Variants in BEND7 observed in about 807,000 individuals in gnomAD.
The protein encoded by BEND7 is BEN domain-containing protein 7.
A neutral mutation model predicts 50.9 loss-of-function variants in BEND7; 28 were observed. That is an observed-to-expected ratio of 0.55 (90% CI 0.41 to 0.75). The LOEUF (loss-of-function observed/expected upper bound fraction) is 0.75, where lower values mean the gene tolerates loss of function less well. Ranked by LOEUF, BEND7 falls within the 30% of genes least tolerant of loss-of-function variation. The pLI is 0.00. For synonymous variants in BEND7, 170 were observed against 183.9 expected (o/e 0.92, Z 0.61); for missense variants, 477 against 491.3 (o/e 0.97, Z 0.28).
At chr10:13,440,276 G>A (rs1287250656), downstream of BEND7, among the ~76,000 whole-genome samples, 2 of 152,192 alleles carry the variant, frequency 1.3e-5, no homozygotes, top group African/African-American at 4.8e-5. Flanking sequence ...GATATGACGT[G>A]GGTCCCTGAC....
At chr10:13,469,728 A>G (rs1371997684) in intron 6 of BEND7, among the ~76,000 whole-genome samples, 4 of 151,880 alleles carry the variant, frequency 2.6e-5, no homozygotes, top group Non-Finnish European at 5.9e-5. Flanking sequence ...GCCCACCTCA[A>G]CCTCCCAAAG....
chr10:13,493,686 G>C (rs371852470), intron 4 of BEND7, among the ~76,000 whole-genome samples: 360 of 152,314 alleles, frequency 2.4e-3, no homozygotes, highest in African/African-American at 8.3e-3. Flanking sequence ...AAGAAATCCA[G>C]GATGGTAAAT....
At chr10:13,472,961 A>G (rs1251214061) in intron 6 of BEND7, among the ~76,000 whole-genome samples, 2 of 151,642 alleles carry the variant, frequency 1.3e-5, no homozygotes, top group Admixed American at 1.3e-4. Flanking sequence ...CAGGGTCGAT[A>G]CCCGTCATTG....
intron 6 of BEND7, among the ~76,000 whole-genome samples, chr10:13,454,019 T>C (rs547877096): frequency 1.1e-3 from 164 of 152,330 alleles, no homozygotes; most frequent in African/African-American, 1.2e-4. Flanking sequence ...GTCAGTAGCA[T>C]GGCAGACACA....
At position 13,481,128 on chromosome 10, in the gene BEND7, C is replaced by A; in HGVS notation, c.838-4G>T. On this transcript the variant is annotated splice_polypyrimidine_tract_variant and splice_region_variant and intron_variant, in intron 5 of 8. Transcript: ENST00000466271. ...CTTCAGCAAGTTGTACTTCTGGCTA[C>A]CAAAAGAACACAGATATTTCATTAA... 1 of 1,613,010 alleles carries A rather than the reference C, an allele frequency of 6.2e-7. No individual in the cohort carries two copies. Among genetic ancestry groups the A allele is most frequent in the Admixed American group, 1.7e-5 (1 of 59,928 alleles).
At chr10:13,514,589 T>C (rs748975480) in intron 2 of BEND7, among the ~76,000 whole-genome samples, 3 of 75,708 alleles carry the variant, frequency 4.0e-5, no homozygotes, top group African/African-American at 1.1e-4. Context: ...ACCAGGGAAG[T>C]TGGGTCGGAC....
chr10:13,457,820 G>A (rs78156705), intron 6 of BEND7, among the ~76,000 whole-genome samples: 2,588 of 152,298 alleles, frequency 0.017, 37 homozygotes, highest in Non-Finnish European at 0.022. Flanking sequence ...TGTGAAAAGA[G>A]GTATTGCATT....
At chr10:13,491,813 G>A (rs559500487) in intron 5 of BEND7, among the ~76,000 whole-genome samples, 6 of 152,206 alleles carry the variant, frequency 3.9e-5, no homozygotes, top group South Asian at 2.1e-4. Flanking sequence ...ACAGGCCTGC[G>A]GGAGTTCGCA....
chr10:13,488,653 AT>A (rs767813098), intron 5 of BEND7, among the ~76,000 whole-genome samples: 32 of 151,370 alleles, frequency 2.1e-4, no homozygotes, highest in South Asian at 6.3e-4. Flanking sequence ...GCGCCTAGCT[AT>A]TTTTTTTTAT....
At chr10:13,458,311 A>G (rs2131206969) in intron 6 of BEND7, among the ~76,000 whole-genome samples, 1 of 152,336 alleles carries the variant, frequency 6.6e-6, no homozygotes, top group East Asian at 1.9e-4. Flanking sequence ...TGACATGCTG[A>G]ACGCGCCACT....
intron 6 of BEND7, among the ~76,000 whole-genome samples, chr10:13,454,196 G>C (rs1210995805): frequency 6.6e-6 from 1 of 152,104 alleles, no homozygotes; most frequent in Non-Finnish European, 1.5e-5. Context: ...AAAGGACATC[G>C]CAGGCTTGGT....
At chr10:13,496,150 T>C (rs1443085772) in intron 4 of BEND7, among the ~76,000 whole-genome samples, 1 of 152,232 alleles carries the variant, frequency 6.6e-6, no homozygotes, top group Non-Finnish European at 1.5e-5. Flanking sequence ...ACAACAGCCC[T>C]GTGAGTTAGA....
chr10:13,496,404 A>G (rs538074935), intron 4 of BEND7, among the ~76,000 whole-genome samples: 1 of 152,304 alleles, frequency 6.6e-6, no homozygotes, highest in East Asian at 1.9e-4. Flanking sequence ...GGGGCTCCAC[A>G]TTTCTTATCT....
intron 5 of BEND7, among the ~76,000 whole-genome samples, chr10:13,491,311 TAA>T (rs757106538): frequency 2.4e-4 from 23 of 97,356 alleles, no homozygotes; most frequent in Admixed American, 3.6e-4. Flanking sequence ...AGACTCTGTC[TAA>T]AAAAAAAAAA....
chr10:13,473,360 A>C (rs536170575), intron 6 of BEND7, among the ~76,000 whole-genome samples: 14 of 151,762 alleles, frequency 9.2e-5, no homozygotes, highest in African/African-American at 3.4e-4. Context: ...CTCAGGGCCG[A>C]TATCGTCATC....
At chr10:13,517,410 C>T (rs559257381) in intron 2 of BEND7, among the ~76,000 whole-genome samples, 5 of 152,088 alleles carry the variant, frequency 3.3e-5, no homozygotes, top group Non-Finnish European at 5.9e-5. Context: ...AAGAAGTAGA[C>T]GGAGGCAGTT....
chr10:13,441,636 A>G lies in BEND7; in HGVS notation c.*107T>C. The G allele has an allele frequency of 6.3e-7, 1 of 1,585,744 alleles. No individual in the cohort carries two copies. The highest frequency in any genetic ancestry group is 1.2e-5 in the South Asian group (1 of 86,176). The stretch of plus-strand genomic sequence containing the variant: ...ATTTTAACACGGCGAAAGGTCACCA[A>G]TTAATCTTCTCCCTTCCCTTGGGTA... On this transcript the variant is annotated 3_prime_UTR_variant, in exon 9 of 9. Transcript: ENST00000466271.
chr10:13,526,818 T>G lies in BEND7; in HGVS notation c.62-597A>C, dbSNP rs1184084504. On this transcript the variant is annotated intron_variant, in intron 1 of 8. Coordinates refer to ENST00000466271, the MANE Select transcript of BEND7 (RefSeq NM_001369863.1). ...TTATTTAATATGCAAGTTTATTTTC[T>G]AAAACTGCACCTGCAGAGAAAGAGA... 2.0e-5 allele frequency among the ~76,000 whole-genome samples: 3 copies of G among 152,332 alleles called. No individual in the cohort carries two copies. In the East Asian group the frequency reaches 5.8e-4, roughly 29 times the overall value.
chr10:13,491,603 G>A (rs1257607476), intron 5 of BEND7, among the ~76,000 whole-genome samples: 1 of 149,646 alleles, frequency 6.7e-6, no homozygotes, highest in Non-Finnish European at 1.5e-5. Context: ...CCGAGAATTA[G>A]GTAAAAGTTC....
Sources: allele counts gnomAD v4.1 joint callset (sites outside exome capture counted in the v4.1 genomes callset), GRCh38; gene constraint gnomAD v4.1.1; transcripts MANE v1.5; gene names NCBI Gene and HGNC (gene_info 2026-07-23, HGNC 2026-07-21).